Variants in UGT1A7 observed in about 807,000 individuals in gnomAD.
UGT1A7 encodes UDP glucuronosyltransferase family 1 member A7.
A neutral mutation model predicts 45.6 loss-of-function variants in UGT1A7; 33 were observed. The ratio of observed to expected loss-of-function variants is 0.72; its 90% CI spans 0.55 to 0.97. The LOEUF (loss-of-function observed/expected upper bound fraction) is 0.97. Among genes scored for constraint, UGT1A7 ranks in the 50% least tolerant of loss-of-function variants. The probability of loss-of-function intolerance (pLI) is 0.00; values close to 1 mark genes in which losing one functional copy is unlikely to be tolerated. For missense variants in UGT1A7, 684 were observed against 666.2 expected, an observed-to-expected ratio of 1.03 and a Z score of -0.29; for synonymous variants, 274 against 250.6, an observed-to-expected ratio of 1.09 and a Z score of -0.88.
At chr2:233,748,817 G>A (rs1468052595) in intron 1 of UGT1A7, among the ~76,000 whole-genome samples, 2 of 151,366 alleles carry the variant, frequency 1.3e-5, no homozygotes, top group Non-Finnish European at 2.9e-5. Context: ...AATTGTGGAA[G>A]GGTCTAGGGA....
intron 1 of UGT1A7, among the ~76,000 whole-genome samples, chr2:233,740,449 G>A (rs1478518118): frequency 1.3e-5 from 2 of 151,974 alleles, no homozygotes; most frequent in African/African-American, 4.9e-5. Flanking sequence ...AATCAGAGGA[G>A]AAGAAGATGA....
chr2:233,703,391 T>C (rs552100359), intron 1 of UGT1A7, among the ~76,000 whole-genome samples: 30 of 152,276 alleles, frequency 2.0e-4, no homozygotes, highest in East Asian at 9.6e-4. Context: ...TATTTTCAAA[T>C]AAACAATTTT....
chr2:233,767,352 C>A (rs1699374337), intron 2 of UGT1A7, among the ~76,000 whole-genome samples, 187 bp downstream of exon 2: 1 of 152,112 alleles, frequency 6.6e-6, no homozygotes, highest in African/African-American at 2.4e-5. Context: ...ATTTGACTCT[C>A]AAATACTCTA....
chr2:233,768,757 A>AT (rs2126041506), intron 4 of UGT1A7, among the ~76,000 whole-genome samples: 1 of 151,338 alleles, frequency 6.6e-6, no homozygotes, highest in African/African-American at 2.4e-5. Context: ...TAATTTTTGT[A>AT]TTTTTTAGTA....
At chr2:233,683,915 G>C (rs2074656487) in intron 1 of UGT1A7, among the ~76,000 whole-genome samples, 1 of 152,106 alleles carries the variant, frequency 6.6e-6, no homozygotes, top group Admixed American at 6.5e-5. Flanking sequence ...GGAGCATATA[G>C]TTCCAAAATA....
At chr2:233,759,379 A>G (rs6723506) in intron 1 of UGT1A7, among the ~76,000 whole-genome samples, 3,469 of 152,254 alleles carry the variant, frequency 0.023, 66 homozygotes, top group South Asian at 0.044. Flanking sequence ...ACAGGTTTTC[A>G]GGATACTCAG....
intron 1 of UGT1A7, chr2:233,691,021 A>G (rs2075025310): frequency 2.0e-6 from 2 of 992,830 alleles, no homozygotes; most frequent in Admixed American, 5.8e-5. Flanking sequence ...CTGTGGTTGG[A>G]AGGGCTCAGA....
At chr2:233,708,319 A>T (rs1235023538) in intron 1 of UGT1A7, 1 of 152,194 alleles carries the variant, frequency 6.6e-6, no homozygotes, top group African/African-American at 2.4e-5. Flanking sequence ...ATAGGTAAAA[A>T]ATATCTCAAG....
intron 1 of UGT1A7, among the ~76,000 whole-genome samples, chr2:233,762,044 CATTTTCCTTCATAGCACATCAAATA>C (rs1208875045): frequency 1.3e-5 from 2 of 152,198 alleles, no homozygotes; most frequent in East Asian, 1.9e-4. Context: ...ATTTTCTGTG[CATTTTCCTTCATAGCACATCAAATA>C]TGGCAGCCAT....
intron 1 of UGT1A7, among the ~76,000 whole-genome samples, chr2:233,731,166 GA>G (rs1244756545): frequency 7.9e-5 from 12 of 151,866 alleles, no homozygotes; most frequent in Admixed American, 3.3e-4. Flanking sequence ...CAAACGACAT[GA>G]TTTTTTTATG....
chr2:233,690,017 C>T (rs2074971660), intron 1 of UGT1A7: 1 of 439,614 alleles, frequency 2.3e-6, no homozygotes, highest in Non-Finnish European at 4.5e-6. Flanking sequence ...CATTTTGGAC[C>T]TTCCTCAAGA....
At chr2:233,760,487 A>G (rs2125984867) in intron 1 of UGT1A7, 1 of 1,614,244 alleles carries the variant, frequency 6.2e-7, no homozygotes, top group Non-Finnish European at 8.5e-7. Context: ...GCCTCGTTGT[A>G]CATCAGAGAC....
At chr2:233,760,492 A>G in intron 1 of UGT1A7, 1 of 1,614,288 alleles carries the variant, frequency 6.2e-7, no homozygotes. Context: ...GTTGTACATC[A>G]GAGACGGAGC....
intron 1 of UGT1A7, chr2:233,729,704 A>T (rs759605345): frequency 1.2e-6 from 2 of 1,613,894 alleles, no homozygotes; most frequent in Non-Finnish European, 1.7e-6. Context: ...CCTTCCTCCT[A>T]TATTCCTAGA....
intron 1 of UGT1A7, among the ~76,000 whole-genome samples, chr2:233,727,290 G>A (rs1306281777): frequency 6.6e-6 from 1 of 152,162 alleles, no homozygotes; most frequent in Non-Finnish European, 1.5e-5. Flanking sequence ...GGAAGCTGAT[G>A]ACTTGGGCAG....
At chr2:233,743,497 A>C (rs1692318154) in intron 1 of UGT1A7, 1 of 1,367,094 alleles carries the variant, frequency 7.3e-7, no homozygotes, top group Admixed American at 1.9e-5. Context: ...GGCAGAGAAA[A>C]GGGGTGCAGA....
chr2:233,729,524 A>G, intron 1 of UGT1A7: 1 of 1,614,234 alleles, frequency 6.2e-7, no homozygotes, highest in South Asian at 1.1e-5. Flanking sequence ...GAGCTACTAC[A>G]TAATGAGGCC....
At chr2:233,761,962 G>A (rs1257423083) in intron 1 of UGT1A7, among the ~76,000 whole-genome samples, 1 of 152,228 alleles carries the variant, frequency 6.6e-6, no homozygotes, top group Non-Finnish European at 1.5e-5. Flanking sequence ...CCATTAAGGG[G>A]ACTGATATCA....
intron 1 of UGT1A7, among the ~76,000 whole-genome samples, chr2:233,694,218 C>G (rs933253375): frequency 6.6e-6 from 1 of 152,134 alleles, no homozygotes; most frequent in Non-Finnish European, 1.5e-5. Flanking sequence ...TTTCCCAACT[C>G]TGTCCCATGC....
Sources: gnomAD v4.1 joint callset for allele counts (sites outside exome capture counted in the v4.1 genomes callset) on GRCh38, gnomAD v4.1.1 for gene constraint, MANE v1.5 for transcripts, NCBI Gene and HGNC (gene_info 2026-07-23, HGNC 2026-07-21) for gene names.